SURF2: variants seen among roughly 807,000 people sequenced by gnomAD.
SURF2 encodes the protein surfeit 2, also known as surfeit locus protein 2.
SURF2 carries 32 observed loss-of-function variants against 26.2 expected under a neutral mutation model. The ratio of observed to expected loss-of-function variants is 1.22; its 90% CI spans 0.92 to 1.64. The LOEUF (loss-of-function observed/expected upper bound fraction) is 1.64, where lower values mean the gene tolerates loss of function less well. Ranked by LOEUF, SURF2 falls within the 40% of genes most tolerant of loss-of-function variation. The pLI, the probability that SURF2 is intolerant of heterozygous loss-of-function variation, is 0.00. For synonymous variants in SURF2, 173 were observed against 139.1 expected (o/e 1.24, Z -1.71); for missense variants, 415 against 341.6 (o/e 1.21, Z -1.69).
rs2130058030 is a variant in SURF2 at position 133,361,111 on chromosome 9, G to C, written c.743G>C (p.Ser248Thr). The C allele has an allele frequency of 6.2e-7, 1 of 1,614,196 alleles. No individual in the cohort carries two copies. Residue 248 changes from serine (S) to threonine (T), a missense_variant, in exon 6 of 6, where the codon AGC becomes ACC. Ser to Thr is a moderately conservative substitution (Grantham distance 58). Coordinates refer to ENST00000371964, the MANE Select transcript of SURF2 (RefSeq NM_017503.5). ...AAGAGTCATCACCGCAAACCCAAGA[G>C]CTTCAGCTCCTGTAAACAGCCAGGT... ...KFKSHHRKPK[S>T]FSSCKQPG
Position 133,360,389 on chromosome 9 carries a change from G to A in SURF2, c.642G>A (p.Arg214=). 1 of 1,613,086 alleles carries A rather than the reference G, an allele frequency of 6.2e-7. No homozygotes were observed. The highest frequency in any genetic ancestry group is 1.1e-5 in the South Asian group (1 of 91,040). The change falls in exon 5 of 6, where the codon AGG becomes AGA. Residue 214 remains arginine (R), a synonymous_variant. Transcript: ENST00000371964. ...GAGAGAAGGCCACTGATGAGGGCAG[G>A]AGAGAGACGACCGTGTACCGAGGGC... ...PPREKATDEG[R]RETTVYRGLV... is the part of the protein sequence containing the mutation.
In SURF2 at chr9:133,356,924, TCCTGA is replaced by T. The variant is rs1470660481; in HGVS notation, c.91_95del (p.Leu31ArgfsTer80). On this transcript the variant is annotated frameshift_variant, in exon 2 of 6. Transcript: ENST00000371964. LOFTEE classifies it high-confidence loss of function. ...CCCACGCGTCCGCAGGTGAGGTGCA[TCCTGA>T]CAGGTCACGAGCTGCCCTGCCGCCT... The T allele has an allele frequency of 6.4e-7, 1 of 1,560,548 alleles. No homozygotes were observed. Among genetic ancestry groups the T allele is most frequent in the Non-Finnish European group, 8.7e-7 (1 of 1,153,220 alleles).
Position 133,357,061 on chromosome 9 carries a change from A to G in SURF2, c.226A>G (p.Lys76Glu). ...EFEPHIVPST[K>E]NPHQLFCKLT... Reference sequence around the variant, plus strand: ...CGAGCCGCACATCGTGCCCAGCACCAAGAACCCGTAGGTGGTCCGCGGCGG... The same window carrying G: ...CGAGCCGCACATCGTGCCCAGCACCGAGAACCCGTAGGTGGTCCGCGGCGG... The change falls in exon 2 of 6, where the codon AAG (lysine) becomes GAG (glutamate). Residue 76 changes from lysine to glutamate, a missense_variant. Physicochemically the swap from Lys to Glu is moderately conservative, Grantham distance 56. Coordinates refer to ENST00000371964, the MANE Select transcript of SURF2 (RefSeq NM_017503.5). 1 of 1,579,438 alleles carries G rather than the reference A, an allele frequency of 6.3e-7. No individual in the cohort carries two copies. The highest frequency in any genetic ancestry group is 1.2e-5 in the South Asian group (1 of 86,186).
intron 5 of SURF2, 141 bp downstream of exon 5, chr9:133,360,575 C>A: frequency 8.8e-7 from 1 of 1,136,594 alleles, no homozygotes; most frequent in Non-Finnish European, 1.2e-6. Flanking sequence ...AAGCCGAGGC[C>A]GCTGGCTGGC....
In SURF2 at chr9:133,356,580, G is replaced by T; in HGVS notation, c.-13G>T. On this transcript the variant is annotated 5_prime_UTR_variant, in exon 1 of 6. Transcript: ENST00000371964. ...AGCGGCTTCCGCCGGGCTGCTCCGC[G>T]GGCGCGTCGGCCATGAGCGAGTTGC... The T allele has an allele frequency of 2.0e-6, 3 of 1,516,290 alleles. No individual in the cohort carries two copies. The highest frequency in any genetic ancestry group is 2.6e-6 in the Non-Finnish European group (3 of 1,139,618). The allele number at this position is 1,516,290 out of a possible 1,614,324, so 93.9% of individuals were successfully genotyped here. A position where few individuals can be genotyped will look rare whatever the true frequency, so the allele number is the denominator to read the frequency against.
Position 133,360,075 on chromosome 9 carries a change from T to C in SURF2, c.463T>C (p.Ser155Pro). ...GCGGGAAGCCTTCTGGGAGCCCACA[T>C]CCAGTGATGAGGGGGGAGCTGCAAG... ...RPREAFWEPTSSDEGGAASDD... is the reference protein window; with the variant it reads ...RPREAFWEPTPSDEGGAASDD... Residue 155 changes from serine to proline, a missense_variant, in exon 4 of 6, where the codon TCC becomes CCC. Coordinates refer to ENST00000371964, the MANE Select transcript of SURF2 (RefSeq NM_017503.5). 6.2e-7 allele frequency: 1 copy of C among 1,613,840 alleles called. No homozygotes were observed. Among genetic ancestry groups the C allele is most frequent in the Non-Finnish European group, 8.5e-7 (1 of 1,179,880 alleles).
chr9:133,359,414 G>A (rs951371894), intron 3 of SURF2, among the ~76,000 whole-genome samples: 1 of 152,190 alleles, frequency 6.6e-6, no homozygotes, highest in Non-Finnish European at 1.5e-5. Context: ...CAATATACAA[G>A]GGGACAACGG....
Position 133,360,035 on chromosome 9 carries a change from T to C in SURF2, c.423T>C (p.Gly141=). Residue 141 remains glycine, a synonymous_variant, in exon 4 of 6, where the codon GGT becomes GGC. Coordinates refer to ENST00000371964, the MANE Select transcript of SURF2 (RefSeq NM_017503.5). ...GGAGGAGGGAGGACCAGATGGACGG[T>C]GACGGGCCTCGCCCGCGGGAAGCCT... ...RRRRREDQMD[G]DGPRPREAFW... 6.2e-7 allele frequency: 1 copy of C among 1,614,022 alleles called. No homozygotes were observed. Among genetic ancestry groups the C allele is most frequent in the East Asian group, 2.2e-5 (1 of 44,876 alleles).
At chr9:133,359,838 A>C in intron 3 of SURF2, 112 bp from the exon 4 acceptor site, 3 of 1,295,104 alleles carry the variant, frequency 2.3e-6, no homozygotes, top group Non-Finnish European at 3.1e-6. Context: ...GTTTTTGTCC[A>C]GGGCGGTGGG....
chr9:133,357,897 G>A, intron 3 of SURF2, 83 bp downstream of exon 3: 1 of 1,390,070 alleles, frequency 7.2e-7, no homozygotes. Flanking sequence ...CTTGAAGGCA[G>A]GTCGTCCTTC....
chr9:133,359,343 G>GCC (rs1397525143), intron 3 of SURF2, among the ~76,000 whole-genome samples: 1 of 152,230 alleles, frequency 6.6e-6, no homozygotes, highest in Non-Finnish European at 1.5e-5. Context: ...GGCTCATGCA[G>GCC]CCCATGAGGG....
At chr9:133,360,660 G>T (rs1004464418) in intron 5 of SURF2, among the ~76,000 whole-genome samples, 3 of 152,240 alleles carry the variant, frequency 2.0e-5, no homozygotes, top group Non-Finnish European at 4.4e-5. Context: ...CCACGGTCAA[G>T]ACCACTGGTT....
chr9:133,359,096 A>C (rs1345760793), intron 3 of SURF2, among the ~76,000 whole-genome samples: 1 of 152,188 alleles, frequency 6.6e-6, no homozygotes, highest in Non-Finnish European at 1.5e-5. Context: ...GCAGGGGGCC[A>C]CGGGGTTCCC....
intron 3 of SURF2, among the ~76,000 whole-genome samples, 167 bp from the exon 4 acceptor site, chr9:133,359,783 G>A (rs1836704830): frequency 6.6e-6 from 1 of 152,242 alleles, no homozygotes; most frequent in Admixed American, 6.5e-5. Context: ...CACCCTCCCT[G>A]CACACCTGGT....
chr9:133,360,950 G>A (rs963311359), intron 5 of SURF2, 106 bp from the exon 6 acceptor site: 6 of 1,185,180 alleles, frequency 5.1e-6, no homozygotes, highest in Non-Finnish European at 7.4e-6. Context: ...GTGGGTATTT[G>A]ACCGACACCT....
rs143679153 is a variant in SURF2, at chr9:133,360,360, C to T, written c.613C>T (p.Pro205Ser). 6.6e-4 allele frequency: 1,062 copies of T among 1,614,044 alleles called. No individual in the cohort carries two copies. Among genetic ancestry groups the T allele is most frequent in the Non-Finnish European group, 8.6e-4 (1,010 of 1,180,020 alleles). The change falls in exon 5 of 6, where the codon CCA becomes TCA. Residue 205 changes from proline (P) to serine (S), a missense_variant. By Grantham distance (74) the Pro-to-Ser change is moderately conservative. Coordinates refer to ENST00000371964, the MANE Select transcript of SURF2 (RefSeq NM_017503.5). ...TDKEDEKAKP[P>S]REKATDEGRR... ...CAAAGAGGATGAGAAGGCAAAGCCC[C>T]CAAGAGAGAAGGCCACTGATGAGGG...
Position 133,356,959 on chromosome 9 carries a change from G to A in SURF2, c.124G>A (p.Glu42Lys), listed in dbSNP as rs1836618648. The change falls in exon 2 of 6, where the codon GAG becomes AAG. Residue 42 changes from glutamate to lysine, a missense_variant. Physicochemically the swap from Glu to Lys is moderately conservative, Grantham distance 56. Transcript: ENST00000371964. ...TGHELPCRLPELQVYTRGKKY... is the reference protein window; with the variant it reads ...TGHELPCRLPKLQVYTRGKKY... The stretch of plus-strand genomic sequence containing the variant: ...TCACGAGCTGCCCTGCCGCCTGCCG[G>A]AGCTCCAGGTCTACACCCGCGGCAA... 1.3e-6 allele frequency: 2 copies of A among 1,568,886 alleles called. No homozygotes were observed. Among genetic ancestry groups the A allele is most frequent in the African/African-American group, 1.4e-5 (1 of 73,930 alleles).
intron 3 of SURF2, among the ~76,000 whole-genome samples, chr9:133,358,867 C>T (rs1045105822): frequency 3.9e-5 from 6 of 152,082 alleles, no homozygotes; most frequent in African/African-American, 9.7e-5. Flanking sequence ...GGTTGGTTTG[C>T]GGATGGGAAG....
rs2130028344 is a variant in SURF2 at position 133,356,589 on chromosome 9, G to A, written c.-4G>A. 3 of 1,519,086 alleles carry A rather than the reference G, an allele frequency of 2.0e-6. No individual in the cohort carries two copies. Among genetic ancestry groups the A allele is most frequent in the Admixed American group, 4.0e-5 (2 of 49,860 alleles). 94.1% of individuals were successfully genotyped at this position (1,519,086 alleles called of 1,614,324 possible). A position where few individuals can be genotyped will look rare whatever the true frequency, so the allele number is the denominator to read the frequency against. On this transcript the variant is annotated 5_prime_UTR_variant, in exon 1 of 6. Coordinates refer to ENST00000371964, the MANE Select transcript of SURF2 (RefSeq NM_017503.5). ...CGCCGGGCTGCTCCGCGGGCGCGTC[G>A]GCCATGAGCGAGTTGCCGGGCGACG...
Sources: gnomAD v4.1 joint callset for allele counts (sites outside exome capture counted in the v4.1 genomes callset) on GRCh38, gnomAD v4.1.1 for gene constraint, MANE v1.5 for transcripts, NCBI Gene and HGNC (gene_info 2026-07-23, HGNC 2026-07-21) for gene names.